Variants in SORCS1 observed in about 807,000 individuals in gnomAD.
SORCS1 encodes the protein sortilin related VPS10 domain containing receptor 1.
SORCS1 carries 60 observed loss-of-function variants against 146.1 expected under a neutral mutation model. The observed-to-expected ratio is 0.41, with a 90% CI of 0.33 to 0.51. SORCS1 has a LOEUF of 0.51. Ranked by LOEUF, SORCS1 falls within the 20% of genes least tolerant of loss-of-function variation. SORCS1 has a pLI of 0.21. For synonymous variants in SORCS1, 637 were observed against 584.0 expected (o/e 1.09, Z -1.31); for missense variants, 1,352 against 1,487.6 (o/e 0.91, Z 1.50).
chr10:106,713,206 T>A (rs1855121822), intron 6 of SORCS1, among the ~76,000 whole-genome samples: 2 of 152,178 alleles, frequency 1.3e-5, no homozygotes, highest in South Asian at 4.1e-4. Flanking sequence ...CCTAATGACA[T>A]CATTGAGCTG....
chr10:106,731,184 C>T (rs1200120130), intron 5 of SORCS1, among the ~76,000 whole-genome samples: 1 of 150,524 alleles, frequency 6.6e-6, no homozygotes, highest in Non-Finnish European at 1.5e-5. Context: ...TGGTGGGGTG[C>T]CTGTAGCCCC....
intron 22 of SORCS1, among the ~76,000 whole-genome samples, chr10:106,610,578 C>G (rs558143256): frequency 1.4e-4 from 22 of 152,300 alleles, no homozygotes; most frequent in African/African-American, 5.1e-4. Context: ...CAGGAGTTAT[C>G]TGAATGCCTT....
chr10:107,098,379 TGAA>T (rs1387520519), intron 1 of SORCS1, among the ~76,000 whole-genome samples: 1 of 152,232 alleles, frequency 6.6e-6, no homozygotes, highest in African/African-American at 2.4e-5. Context: ...CTTGCCATAC[TGAA>T]GAAGTAGTCA....
intron 21 of SORCS1, among the ~76,000 whole-genome samples, chr10:106,613,555 A>T (rs1355594657): frequency 6.6e-6 from 1 of 152,120 alleles, no homozygotes; most frequent in Non-Finnish European, 1.5e-5. Flanking sequence ...GCTTGGTGAT[A>T]AGCTTCAGAG....
chr10:107,124,427 A>C (rs1378277101), intron 1 of SORCS1, among the ~76,000 whole-genome samples: 1 of 152,220 alleles, frequency 6.6e-6, no homozygotes, highest in African/African-American at 2.4e-5. Flanking sequence ...GATAGGTAAC[A>C]TAAAATGGAA....
chr10:106,782,133 C>A (rs1289611207), intron 3 of SORCS1, among the ~76,000 whole-genome samples: 2 of 152,142 alleles, frequency 1.3e-5, no homozygotes, highest in East Asian at 1.9e-4. Flanking sequence ...TGCTTGTGAC[C>A]TGGAAAGTGA....
chr10:106,852,745 T>C (rs1949642343), intron 2 of SORCS1, among the ~76,000 whole-genome samples: 1 of 152,142 alleles, frequency 6.6e-6, no homozygotes, highest in Non-Finnish European at 1.5e-5. Flanking sequence ...CATCTATTGG[T>C]ATATTATGTG....
chr10:106,608,841 A>G (rs908127131), intron 22 of SORCS1, among the ~76,000 whole-genome samples: 1 of 152,200 alleles, frequency 6.6e-6, no homozygotes, highest in African/African-American at 2.4e-5. Context: ...TGACAACTTC[A>G]AGAGACCCCG....
chr10:106,894,264 C>CGTGTGT (rs1951369440), intron 2 of SORCS1, among the ~76,000 whole-genome samples: 1 of 108,614 alleles, frequency 9.2e-6, no homozygotes, highest in African/African-American at 3.9e-5. Context: ...CGCGCGCGCA[C>CGTGTGT]GTGTGCGTGT....
chr10:106,900,884 T>C (rs1207136210), intron 2 of SORCS1, among the ~76,000 whole-genome samples: 1 of 152,204 alleles, frequency 6.6e-6, no homozygotes, highest in East Asian at 1.9e-4. Flanking sequence ...AGGTTAAAAT[T>C]CGGTAAATTT....
rs1040362760 is a variant in SORCS1, at chr10:106,576,082, T to C, written c.*1338A>G. 1.3e-5 allele frequency: 2 copies of C among 152,234 alleles called. No individual in the cohort carries two copies. The highest frequency in any genetic ancestry group is 2.9e-5 in the Non-Finnish European group (2 of 68,048). The allele number at this position is 152,234 out of a possible 1,614,324, so 9.4% of individuals were successfully genotyped here. On this transcript the variant is annotated 3_prime_UTR_variant, in exon 26 of 26. Transcript: ENST00000263054. The stretch of plus-strand genomic sequence containing the variant: ...CCAGGTTTGAATTACTTTGCATATA[T>C]CAACTCTTTCGCATACAGTATATGT...
At chr10:106,628,816 T>A (rs1156638784) in intron 19 of SORCS1, among the ~76,000 whole-genome samples, 1 of 152,240 alleles carries the variant, frequency 6.6e-6, no homozygotes, top group South Asian at 2.1e-4. Context: ...TAATTCTCAA[T>A]GCATTAGATT....
intron 1 of SORCS1, among the ~76,000 whole-genome samples, chr10:107,030,331 G>C (rs573717218): frequency 6.6e-6 from 1 of 152,238 alleles, no homozygotes; most frequent in East Asian, 1.9e-4. Context: ...TACACCCTGA[G>C]GTAGGCATTA....
intron 1 of SORCS1, among the ~76,000 whole-genome samples, chr10:107,096,095 T>A (rs978353139): frequency 2.0e-5 from 3 of 152,190 alleles, no homozygotes; most frequent in African/African-American, 7.2e-5. Flanking sequence ...CAGCACTAAG[T>A]GGGCACGGTT....
At chr10:106,643,507 C>G (rs1026808340) in intron 18 of SORCS1, among the ~76,000 whole-genome samples, 1 of 152,240 alleles carries the variant, frequency 6.6e-6, no homozygotes, top group African/African-American at 2.4e-5. Flanking sequence ...CATGTGAGGT[C>G]CTCAGGGCCT....
upstream of SORCS1, among the ~76,000 whole-genome samples, chr10:107,166,194 T>A (rs1346918507): frequency 6.6e-6 from 1 of 152,216 alleles, no homozygotes; most frequent in Non-Finnish European, 1.5e-5. Flanking sequence ...AGTTACATTT[T>A]TGTTCATTTT....
At chr10:107,023,658 T>C (rs1449487577) in intron 1 of SORCS1, among the ~76,000 whole-genome samples, 2 of 152,088 alleles carry the variant, frequency 1.3e-5, no homozygotes, top group Admixed American at 6.6e-5. Context: ...GAGAGGTCAA[T>C]TTGTCCTAAA....
intron 2 of SORCS1, among the ~76,000 whole-genome samples, chr10:106,886,130 C>T (rs1950992162): frequency 6.6e-6 from 1 of 152,064 alleles, no homozygotes; most frequent in East Asian, 1.9e-4. Flanking sequence ...GGCATGGTAG[C>T]AGGCACCTGT....
At chr10:106,744,203 C>T (rs1186291035) in intron 5 of SORCS1, among the ~76,000 whole-genome samples, 2 of 152,158 alleles carry the variant, frequency 1.3e-5, no homozygotes, top group Non-Finnish European at 2.9e-5. Context: ...CTCCTGGGTT[C>T]ACGCCATTCT....
Sources: allele counts gnomAD v4.1 joint callset (sites outside exome capture counted in the v4.1 genomes callset), GRCh38; gene constraint gnomAD v4.1.1; transcripts MANE v1.5; gene names NCBI Gene and HGNC (gene_info 2026-07-23, HGNC 2026-07-21).